The following ITGA2B variants were observed in gnomAD, a reference collection of about 807,000 sequenced individuals.
The protein encoded by ITGA2B is integrin alpha-IIb.
Under a neutral mutation model 142.0 loss-of-function variants are expected in ITGA2B, and 91 were observed. That is an observed-to-expected ratio of 0.64 (90% CI 0.54 to 0.76). The LOEUF is 0.76. ITGA2B is among the 30% of genes least tolerant of loss of function. The probability of loss-of-function intolerance (pLI) is 0.00; values close to 1 mark genes in which losing one functional copy is unlikely to be tolerated. For missense variants in ITGA2B, 1,231 were observed against 1,350.8 expected, an observed-to-expected ratio of 0.91 and a Z score of 1.39; for synonymous variants, 536 against 567.2, an observed-to-expected ratio of 0.94 and a Z score of 0.78.
rs2143450920 is a variant in ITGA2B, at chr17:44,378,438, T to G, written c.2018A>C (p.Glu673Ala). 3 of 1,613,514 alleles carry G rather than the reference T, an allele frequency of 1.9e-6. No homozygotes were observed. The highest frequency in any genetic ancestry group is 4.5e-5 in the East Asian group (2 of 44,872). ...ELQMDAANEG[E>A]GAYEAELAVH... Reference sequence around the variant, plus strand: ...GGCCAGCTCTGCTTCATAGGCCCCCTCGCCCTCGTTGGCTGCGTCCATCTG... The same window carrying G: ...GGCCAGCTCTGCTTCATAGGCCCCCGCGCCCTCGTTGGCTGCGTCCATCTG... The change falls in exon 20 of 30, where the codon GAG (glutamate) becomes GCG (alanine). Residue 673 changes from glutamate (E) to alanine (A), a missense_variant. This residue lies in a region of ITGA2B where 908 missense variants were observed against 1,021.1 expected (regional missense o/e 0.89). Coordinates refer to ENST00000262407, the MANE Select transcript of ITGA2B (RefSeq NM_000419.5).
At chr17:44,386,518 G>A (rs2048650876) in intron 1 of ITGA2B, among the ~76,000 whole-genome samples, 1 of 152,196 alleles carries the variant, frequency 6.6e-6, no homozygotes, top group Non-Finnish European at 1.5e-5. Flanking sequence ...ACTGTTACCA[G>A]ATCCCCTCTT....
At chr17:44,388,145 A>G (rs1372069585) in intron 1 of ITGA2B, among the ~76,000 whole-genome samples, 7 of 152,156 alleles carry the variant, frequency 4.6e-5, no homozygotes, top group Non-Finnish European at 1.0e-4. Context: ...CACGCTATGA[A>G]GAGGAGGAGC....
chr17:44,378,834 G>A (rs2048568388), intron 18 of ITGA2B, 124 bp from the exon 19 acceptor site: 4 of 799,746 alleles, frequency 5.0e-6, no homozygotes, highest in Non-Finnish European at 8.4e-6. Flanking sequence ...GAAGATCTGA[G>A]GACGAAAAGG....
At position 44,375,081 on chromosome 17, in the gene ITGA2B, GCACCACAGTA is replaced by G. The variant is rs76572092; in HGVS notation, c.2748_2757del (p.Thr917SerfsTer?). 4 of 1,548,834 alleles carry G rather than the reference GCACCACAGTA, an allele frequency of 2.6e-6. No homozygotes were observed. The African/African-American group carries it at 5.5e-5, about 21-fold the overall frequency. ...CGCGCCATCTCCTGCAGGTCACACT[GCACCACAGTA>G]CAGGGCGCCGAGTCGCAGCTCTGAG... On this transcript the variant is annotated frameshift_variant, in exon 27 of 30. Coordinates refer to ENST00000262407, the MANE Select transcript of ITGA2B (RefSeq NM_000419.5). LOFTEE classifies it high-confidence loss of function.
At chr17:44,374,621 CT>C (rs1410904764) in intron 28 of ITGA2B, 37 bp downstream of exon 28, 1 of 1,579,862 alleles carries the variant, frequency 6.3e-7, no homozygotes, top group African/African-American at 1.3e-5. Flanking sequence ...ACAATGGGTC[CT>C]GCAGGACTGG....
Position 44,372,219 on chromosome 17 carries a change from G to A in ITGA2B, c.*145C>T, listed in dbSNP as rs558830332. ...TCTTTATTAGGCAGCAGGAGGGGGG[G>A]TAGCCCAGCTCTGTTGGGAGGGAAA... is the stretch of plus-strand genomic sequence containing the variant. On this transcript the variant is annotated 3_prime_UTR_variant, in exon 30 of 30. Transcript: ENST00000262407. The A allele has an allele frequency of 9.2e-6, 7 of 763,406 alleles. No homozygotes were observed. Among genetic ancestry groups the A allele is most frequent in the Non-Finnish European group, 1.6e-5 (7 of 442,258 alleles). The allele number at this position is 763,406 out of a possible 1,614,324, so 47.3% of individuals were successfully genotyped here.
chr17:44,376,601 C>T (rs1391381484), intron 22 of ITGA2B, among the ~76,000 whole-genome samples: 2 of 147,794 alleles, frequency 1.4e-5, no homozygotes, highest in African/African-American at 5.0e-5. Flanking sequence ...CTTCAAAGAC[C>T]TTTTTTTTTT....
Position 44,375,659 on chromosome 17 carries a change from G to T in ITGA2B, c.2659C>A (p.Arg887=), listed in dbSNP as rs2048535124. 6.2e-7 allele frequency: 1 copy of T among 1,611,194 alleles called. No individual in the cohort carries two copies. Among genetic ancestry groups the T allele is most frequent in the Non-Finnish European group, 8.5e-7 (1 of 1,178,964 alleles). ...GGCAGGAAGATCTGTCTGCGATCCCGCTTGTGATGGGCCGGGTGAATGGGG... is the reference window on the plus strand; with the variant it reads ...GGCAGGAAGATCTGTCTGCGATCCCTCTTGTGATGGGCCGGGTGAATGGGG... ...PSPIHPAHHK[R]DRRQIFLPEP... is the part of the protein sequence containing the mutation. Residue 887 remains arginine (R), a synonymous_variant, in exon 26 of 30, where the codon CGG becomes AGG. Transcript: ENST00000262407.
At chr17:44,383,435 T>C in intron 12 of ITGA2B, 58 bp downstream of exon 12, 1 of 1,524,856 alleles carries the variant, frequency 6.6e-7, no homozygotes, top group Non-Finnish European at 8.9e-7. Context: ...GCCAACTCCA[T>C]GCTTTTTGAG....
rs1567902324 is a variant in ITGA2B at position 44,380,590 on chromosome 17, C to T, written c.1439+10G>A. On this transcript the variant is annotated intron_variant, in intron 14 of 29. Transcript: ENST00000262407. Reference sequence around the variant, plus strand: ...ACCTTCCCCATCCCGCCCCTGGAGCCAGTGCTCACCTGTACACAGCCACCT... The same window carrying T: ...ACCTTCCCCATCCCGCCCCTGGAGCTAGTGCTCACCTGTACACAGCCACCT... 6.2e-7 allele frequency: 1 copy of T among 1,614,234 alleles called. No homozygotes were observed. Among genetic ancestry groups the T allele is most frequent in the Admixed American group, 1.7e-5 (1 of 60,030 alleles).
chr17:44,386,678 G>C (rs888182972), intron 1 of ITGA2B, among the ~76,000 whole-genome samples: 3 of 152,136 alleles, frequency 2.0e-5, no homozygotes, highest in Non-Finnish European at 2.9e-5. Context: ...CCAATGACTG[G>C]TTTTCACAAC....
In ITGA2B at chr17:44,380,868, G is replaced by A. The variant is rs762439788; in HGVS notation, c.1393+11C>T. ...TCTTGGGCATTTCTAGCTGGAGGCAGTCCAGGGCACCTGGGTATCCGTTGT... is the reference window on the plus strand; with the variant it reads ...TCTTGGGCATTTCTAGCTGGAGGCAATCCAGGGCACCTGGGTATCCGTTGT... On this transcript the variant is annotated intron_variant, in intron 13 of 29. Coordinates refer to ENST00000262407, the MANE Select transcript of ITGA2B (RefSeq NM_000419.5). 6.8e-6 allele frequency: 11 copies of A among 1,614,074 alleles called. 1 individual carries two copies. The South Asian group carries it at 9.9e-5, about 14-fold the overall frequency.
chr17:44,382,606 G>A (rs1015037948), intron 12 of ITGA2B, among the ~76,000 whole-genome samples: 6 of 151,836 alleles, frequency 4.0e-5, no homozygotes, highest in African/African-American at 9.7e-5. Context: ...TCCACTTCCC[G>A]GGTTCAAGAG....
In ITGA2B at chr17:44,385,158, A is replaced by C. The variant is rs767165916; in HGVS notation, c.670+6T>G. 22 of 1,613,960 alleles carry C rather than the reference A, an allele frequency of 1.4e-5. No individual in the cohort carries two copies. The highest frequency in any genetic ancestry group is 2.7e-5 in the African/African-American group (2 of 74,928). Reference sequence around the variant, plus strand: ...AAGGGAGGGAGGTGTACGGATGGGCACGTACCTAAGAAATAATAGCCGCCA... The same window carrying C: ...AAGGGAGGGAGGTGTACGGATGGGCCCGTACCTAAGAAATAATAGCCGCCA... On this transcript the variant is annotated splice_donor_region_variant and intron_variant, in intron 6 of 29. Transcript: ENST00000262407.
intron 1 of ITGA2B, among the ~76,000 whole-genome samples, chr17:44,388,837 G>A (rs368448584): frequency 2.2e-5 from 1 of 45,996 alleles, no homozygotes; most frequent in Admixed American, 2.4e-4. Context: ...TTTTTTTTTT[G>A]TATTTTTAGT....
chr17:44,376,726 C>T (rs923204067), intron 22 of ITGA2B, among the ~76,000 whole-genome samples: 5 of 152,024 alleles, frequency 3.3e-5, no homozygotes, highest in African/African-American at 1.2e-4. Context: ...TATTCTCCTG[C>T]CTCAGCCTCC....
chr17:44,384,416 C>T, intron 8 of ITGA2B, 62 bp from the exon 9 acceptor site: 5 of 1,609,248 alleles, frequency 3.1e-6, no homozygotes, highest in Non-Finnish European at 4.3e-6. Flanking sequence ...ACTTCCCGCT[C>T]CCCGTTCTGC....
In ITGA2B at chr17:44,382,819, C is replaced by A. The variant is rs551819372; in HGVS notation, c.1210+674G>T. The stretch of plus-strand genomic sequence containing the variant: ...TTCCTTGAGTCCCGGGCCATCAGAC[C>A]CCCTGGGTTCCCTCCTCCCTCTCTG... On this transcript the variant is annotated intron_variant, in intron 12 of 29. Transcript: ENST00000262407. Among the ~76,000 whole-genome samples, 58 of 152,212 alleles carry A rather than the reference C, an allele frequency of 3.8e-4. 1 individual carries two copies. The highest frequency in any genetic ancestry group is 1.4e-3 in the African/African-American group (58 of 41,526).
Position 44,380,114 on chromosome 17 carries a change from C to A in ITGA2B, c.1640G>T (p.Arg547Leu), listed in dbSNP as rs773737540. 2 of 1,613,876 alleles carry A rather than the reference C, an allele frequency of 1.2e-6. No homozygotes were observed. The highest frequency in any genetic ancestry group is 1.1e-5 in the South Asian group (1 of 91,076). Residue 547 changes from arginine to leucine, a missense_variant, in exon 17 of 30, where the codon CGC becomes CTC. Coordinates refer to ENST00000262407, the MANE Select transcript of ITGA2B (RefSeq NM_000419.5). ...AELQLDRQKP[R>L]QGRRVLLLGS... ...CAGCAGCAGCACCCGCCGGCCCTGG[C>A]GGGGCTTCTGCCGGTCCAGCTGCAG...
Sources: allele counts gnomAD v4.1 joint callset (sites outside exome capture counted in the v4.1 genomes callset), GRCh38; gene constraint gnomAD v4.1.1; regional missense constraint gnomAD v4.1.1; transcripts MANE v1.5; gene names NCBI Gene and HGNC (gene_info 2026-07-23, HGNC 2026-07-21).